The following IFI27 variants were observed in gnomAD, a reference collection of about 807,000 sequenced individuals.
IFI27 encodes interferon alpha-inducible protein 27, mitochondrial.
IFI27 carries 3 observed loss-of-function variants against 8.9 expected under a neutral mutation model. The ratio of observed to expected loss-of-function variants is 0.34; its 90% CI spans 0.15 to 0.87. The LOEUF (loss-of-function observed/expected upper bound fraction) is 0.87. Ranked by LOEUF, IFI27 falls within the 40% of genes least tolerant of loss-of-function variation. The probability of loss-of-function intolerance (pLI) is 0.51; values close to 1 mark genes in which losing one functional copy is unlikely to be tolerated. For synonymous variants in IFI27, 66 were observed against 67.3 expected (o/e 0.98, Z 0.09); for missense variants, 152 against 157.7 (o/e 0.96, Z 0.19).
chr14:94,115,703 G>C lies in IFI27; in HGVS notation c.122-78G>C, dbSNP rs923603591. On this transcript the variant is annotated intron_variant, in intron 3 of 4. Coordinates refer to ENST00000621160, the Ensembl canonical transcript of IFI27. Reference sequence around the variant, plus strand: ...TCACCTCTTTCTCCAGATCCCCTGGGGTCCCCAAGCCTGACTCAGTGTATC... The same window carrying C: ...TCACCTCTTTCTCCAGATCCCCTGGCGTCCCCAAGCCTGACTCAGTGTATC... 7 of 1,440,380 alleles carry C rather than the reference G, an allele frequency of 4.9e-6. No individual in the cohort carries two copies. The African/African-American group carries it at 8.7e-5, about 18-fold the overall frequency. The allele number at this position is 1,440,380 out of a possible 1,614,324, so 89.2% of individuals were successfully genotyped here. A position where few individuals can be genotyped will look rare whatever the true frequency, so the allele number is the denominator to read the frequency against.
rs1473310996 is a variant in IFI27 at position 94,116,178 on chromosome 14, T to TCTCCTCCCCTCTGGGGTGC, written c.283+237_284-245dup. ...CAGATTTGCTGGGTTACCTGGGGCG[T>TCTCCTCCCCTCTGGGGTGC]CTCCTCCCCTCTGGGGTGCAGCCTC... is the stretch of plus-strand genomic sequence containing the variant. On this transcript the variant is annotated intron_variant, in intron 4 of 4. Transcript: ENST00000621160. The surrounding 1 kb of genome is among the most constrained non-coding windows in gnomAD (Gnocchi z 4.3). The TCTCCTCCCCTCTGGGGTGC allele has an allele frequency of 2.8e-6, 2 of 707,148 alleles. No individual in the cohort carries two copies. Among genetic ancestry groups the TCTCCTCCCCTCTGGGGTGC allele is most frequent in the Admixed American group, 2.0e-5 (1 of 49,734 alleles). The allele number at this position is 707,148 out of a possible 1,614,324, so 43.8% of individuals were successfully genotyped here.
chr14:94,110,085 C>T (rs1422408714), upstream of IFI27, among the ~76,000 whole-genome samples: 1 of 152,230 alleles, frequency 6.6e-6, no homozygotes, highest in Non-Finnish European at 1.5e-5. Context: ...CACACTGGCC[C>T]CCTTGCTGCT....
chr14:94,116,407 A>G lies in IFI27; in HGVS notation c.284-35A>G, dbSNP rs761165107. ...TGCCCACAGAGCTTCCCCGACAGGC[A>G]TGTCCCACTCTGTCCACCCTCTGCT... On this transcript the variant is annotated intron_variant, in intron 4 of 4. Transcript: ENST00000621160. This position sits in a 1 kb window ranked among gnomAD's most constrained non-coding sequence, Gnocchi z 4.3. The G allele has an allele frequency of 1.3e-6, 2 of 1,482,798 alleles. No individual in the cohort carries two copies. Among genetic ancestry groups the G allele is most frequent in the South Asian group, 2.3e-5 (2 of 85,864 alleles). The allele number at this position is 1,482,798 out of a possible 1,614,324, so 91.9% of individuals were successfully genotyped here. A position where few individuals can be genotyped will look rare whatever the true frequency, so the allele number is the denominator to read the frequency against.
At chr14:94,115,100 T>A (rs1887340417) in intron 3 of IFI27, among the ~76,000 whole-genome samples, 1 of 152,052 alleles carries the variant, frequency 6.6e-6, no homozygotes. Flanking sequence ...GTGGGCAGGG[T>A]GTGGCAGCAG....
Position 94,115,657 on chromosome 14 carries a change from A to G in IFI27, c.122-124A>G, listed in dbSNP as rs1887361739. The G allele has an allele frequency of 1.1e-5, 11 of 985,820 alleles. No individual in the cohort carries two copies. The South Asian group carries it at 1.7e-4, about 16-fold the overall frequency. 61.1% of individuals were successfully genotyped at this position (985,820 alleles called of 1,614,324 possible). On this transcript the variant is annotated intron_variant, in intron 3 of 4. Transcript: ENST00000621160. ...ATTCGTGCCTATTGGCCGTGCCCAT[A>G]GTCTCTCCCAAGCTCAAAGTTCACC...
At chr14:94,108,987 T>C (rs1887056943), upstream of IFI27, among the ~76,000 whole-genome samples, 1 of 152,042 alleles carries the variant, frequency 6.6e-6, no homozygotes, top group Admixed American at 6.5e-5. Flanking sequence ...GCAAGTTGTT[T>C]TGAAAGAAAG....
chr14:94,116,112 C>A lies in IFI27; in HGVS notation c.283+170C>A, dbSNP rs1200475696. The A allele has an allele frequency of 2.4e-6, 2 of 848,534 alleles. No individual in the cohort carries two copies. Among genetic ancestry groups the A allele is most frequent in the Non-Finnish European group, 3.9e-6 (2 of 519,212 alleles). 52.6% of individuals were successfully genotyped at this position (848,534 alleles called of 1,614,324 possible). ...GAGATGGAGGAGGGAGGGAAGGAGC[C>A]CAAGCCAGGAACAGTGCACTCAGGA... On this transcript the variant is annotated intron_variant, in intron 4 of 4. Coordinates refer to ENST00000621160, the Ensembl canonical transcript of IFI27. This position sits in a 1 kb window ranked among gnomAD's most constrained non-coding sequence, Gnocchi z 4.3.
Position 94,116,024 on chromosome 14 carries a change from A to C in IFI27, c.283+82A>C. ...AGGACCCAGTCCCAATCTCAACCCT[A>C]TGAACCTCAATCTCCCTGTTCCTCT... On this transcript the variant is annotated intron_variant, in intron 4 of 4. Transcript: ENST00000621160. The surrounding 1 kb of genome is among the most constrained non-coding windows in gnomAD (Gnocchi z 4.3). The C allele has an allele frequency of 1.6e-6, 2 of 1,274,300 alleles. No homozygotes were observed. The highest frequency in any genetic ancestry group is 2.2e-6 in the Non-Finnish European group (2 of 902,050). The allele number at this position is 1,274,300 out of a possible 1,614,324, so 78.9% of individuals were successfully genotyped here.
chr14:94,115,221 ATTCAG>A (rs1887345235), intron 3 of IFI27: 1 of 614,644 alleles, frequency 1.6e-6, no homozygotes, highest in African/African-American at 1.8e-5. Flanking sequence ...GGTAATGCCC[ATTCAG>A]GGTTATGGTC....
rs141542083 is a variant in IFI27, at chr14:94,111,619, C to T, written c.-58-6C>T. The T allele has an allele frequency of 9.4e-4, 1,279 of 1,359,692 alleles. 7 individuals are homozygous for T. The African/African-American group carries it at 0.01, about 11-fold the overall frequency. 84.2% of individuals were successfully genotyped at this position (1,359,692 alleles called of 1,614,324 possible). On this transcript the variant is annotated splice_polypyrimidine_tract_variant and splice_region_variant and intron_variant, in intron 1 of 4. Coordinates refer to ENST00000621160, the Ensembl canonical transcript of IFI27. The surrounding 1 kb of genome is among the most constrained non-coding windows in gnomAD (Gnocchi z 4.3). ...TCCCGTCCTCAGAGCTCCATCCCTTCGGCAGGTCTGGCTGAAGTTGAGGAT... is the reference window on the plus strand; with the variant it reads ...TCCCGTCCTCAGAGCTCCATCCCTTTGGCAGGTCTGGCTGAAGTTGAGGAT...
At chr14:94,115,900 G>A in exon 4 of IFI27, 1 of 1,596,988 alleles carries the variant, frequency 6.3e-7, no homozygotes, top group Non-Finnish European at 8.5e-7. Flanking sequence ...CAATGGGGGT[G>A]GAGTTGCCTC....
At chr14:94,113,023 C>T (rs1175114099) in intron 2 of IFI27, 1 of 152,246 alleles carries the variant, frequency 6.6e-6, no homozygotes, top group African/African-American at 2.4e-5. Flanking sequence ...GTCACTTACC[C>T]TAGCACTTGA....
intron 3 of IFI27, 54 bp from the exon 4 acceptor site, chr14:94,115,727 T>C (rs1052006593): frequency 2.3e-5 from 36 of 1,553,638 alleles, no homozygotes; most frequent in Admixed American, 3.7e-5. Flanking sequence ...ACTCAGTGTA[T>C]CTGGGGGGGT....
chr14:94,114,221 C>G (rs977550255), intron 2 of IFI27: 4 of 152,438 alleles, frequency 2.6e-5, no homozygotes, highest in African/African-American at 9.7e-5. Flanking sequence ...TGCCGTGACT[C>G]AGGCGCACAG....
At chr14:94,110,720 G>A (rs1887145998), upstream of IFI27, 1 of 152,188 alleles carries the variant, frequency 6.6e-6, no homozygotes, top group Non-Finnish European at 1.5e-5. Flanking sequence ...AAAGGCCTGG[G>A]ATCACACCCT....
intron 4 of IFI27, 38 bp downstream of exon 4, chr14:94,115,980 A>G (rs1053753949): frequency 6.5e-7 from 1 of 1,546,240 alleles, no homozygotes. Flanking sequence ...GAGGGCGATG[A>G]GGAGGGCAAG....
chr14:94,115,380 T>G, intron 3 of IFI27: 1 of 527,986 alleles, frequency 1.9e-6, no homozygotes, highest in South Asian at 1.5e-5. Context: ...TGAGCCGCTC[T>G]GAATGTGCCT....
rs1887186188 is a variant in IFI27, at chr14:94,111,595, C to A, written c.-58-30C>A. Reference sequence around the variant, plus strand: ...GAAGCAAGTCAGGTTGTGTGCCCATCCCGTCCTCAGAGCTCCATCCCTTCG... The same window carrying A: ...GAAGCAAGTCAGGTTGTGTGCCCATACCGTCCTCAGAGCTCCATCCCTTCG... On this transcript the variant is annotated intron_variant, in intron 1 of 4. Coordinates refer to ENST00000621160, the Ensembl canonical transcript of IFI27. The surrounding 1 kb of genome is among the most constrained non-coding windows in gnomAD (Gnocchi z 4.3). 4.7e-6 allele frequency: 5 copies of A among 1,073,648 alleles called. No homozygotes were observed. Among genetic ancestry groups the A allele is most frequent in the Admixed American group, 3.6e-5 (2 of 55,896 alleles). 66.5% of individuals were successfully genotyped at this position (1,073,648 alleles called of 1,614,324 possible).
At chr14:94,115,908 C>G (rs753854661) in exon 4 of IFI27, 2 of 1,592,668 alleles carry the variant, frequency 1.3e-6, no homozygotes, top group Non-Finnish European at 8.6e-7. Context: ...GTGGAGTTGC[C>G]TCGGGCAGCC....
Sources: allele counts gnomAD v4.1 joint callset (sites outside exome capture counted in the v4.1 genomes callset), GRCh38; gene constraint gnomAD v4.1.1; non-coding constraint Gnocchi (gnomAD v3.1); transcripts MANE v1.5; gene names NCBI Gene and HGNC (gene_info 2026-07-23, HGNC 2026-07-21).